ARL5A: variants seen among roughly 807,000 people sequenced by gnomAD.
The protein encoded by ARL5A is ADP-ribosylation factor-like protein 5A.
A neutral mutation model predicts 25.9 loss-of-function variants in ARL5A; 18 were observed. The observed-to-expected ratio is 0.69, with a 90% CI of 0.48 to 1.03. ARL5A has a LOEUF of 1.03. ARL5A is among the 50% of genes least tolerant of loss of function. The pLI is 0.00. For missense variants in ARL5A, 170 were observed against 211.9 expected, an observed-to-expected ratio of 0.80 and a Z score of 1.23; for synonymous variants, 61 against 67.5, an observed-to-expected ratio of 0.90 and a Z score of 0.47.
intron 1 of ARL5A, among the ~76,000 whole-genome samples, chr2:151,821,282 G>A (rs1195747926): frequency 6.6e-6 from 1 of 152,124 alleles, no homozygotes; most frequent in African/African-American, 2.4e-5. Context: ...GACCTAAGCA[G>A]ATTTCTAAAG....
intron 5 of ARL5A, among the ~76,000 whole-genome samples, chr2:151,803,852 A>G (rs2099829748): frequency 6.6e-6 from 1 of 152,188 alleles, no homozygotes; most frequent in Non-Finnish European, 1.5e-5. Context: ...CCTTTTTTCT[A>G]CTTCTAGAAA....
intron 1 of ARL5A, chr2:151,827,379 T>C (rs534576844): frequency 6.6e-6 from 1 of 152,372 alleles, no homozygotes; most frequent in South Asian, 2.1e-4. Flanking sequence ...GCTAGTTACC[T>C]ATGGTTAACA....
At chr2:151,827,010 G>C (rs1292273760) in intron 1 of ARL5A, among the ~76,000 whole-genome samples, 1 of 152,128 alleles carries the variant, frequency 6.6e-6, no homozygotes, top group Non-Finnish European at 1.5e-5. Flanking sequence ...CTTCTTAAAA[G>C]AGCAGCTAGA....
chr2:151,825,227 T>G (rs570056839), intron 1 of ARL5A, among the ~76,000 whole-genome samples: 1 of 152,308 alleles, frequency 6.6e-6, no homozygotes, highest in Non-Finnish European at 1.5e-5. Flanking sequence ...AAAAAAAAGT[T>G]ACTAATGGCA....
chr2:151,814,079 T>C, intron 3 of ARL5A, 90 bp downstream of exon 3: 1 of 1,201,292 alleles, frequency 8.3e-7, no homozygotes, highest in South Asian at 1.7e-5. Context: ...CATACTGTGA[T>C]ATTTCAAAAA....
chr2:151,827,278 T>C (rs774676335), intron 1 of ARL5A, among the ~76,000 whole-genome samples: 8 of 152,246 alleles, frequency 5.3e-5, no homozygotes, highest in Non-Finnish European at 1.0e-4. Flanking sequence ...TTGTAACAAA[T>C]TTTAACAAGC....
At position 151,828,209 on chromosome 2, in the gene ARL5A, C is replaced by A; in HGVS notation, c.-33G>T. The stretch of plus-strand genomic sequence containing the variant: ...CAGCGGACCCCCCCCCTCCAGACAC[C>A]CGGGCCGCCTGGCTTCCCCCGGCTC... On this transcript the variant is annotated 5_prime_UTR_variant, in exon 1 of 6. Coordinates refer to ENST00000295087, the MANE Select transcript of ARL5A (RefSeq NM_012097.4). 1.1e-5 allele frequency: 17 copies of A among 1,603,584 alleles called. No individual in the cohort carries two copies. Among genetic ancestry groups the A allele is most frequent in the Non-Finnish European group, 1.4e-5 (17 of 1,174,218 alleles).
At chr2:151,816,153 TC>T (rs2099831472) in intron 1 of ARL5A, among the ~76,000 whole-genome samples, 1 of 152,186 alleles carries the variant, frequency 6.6e-6, no homozygotes, top group South Asian at 2.1e-4. Flanking sequence ...GGACAAGTCC[TC>T]CTAGGGTAAG....
In ARL5A at chr2:151,806,157, C is replaced by T. The variant is rs775297225; in HGVS notation, c.491+664G>A. 1.5e-4 allele frequency among the ~76,000 whole-genome samples: 23 copies of T among 152,326 alleles called. 1 individual carries two copies. The highest frequency in any genetic ancestry group is 1.2e-3 in the Admixed American group (19 of 15,298). ...TTGACCTTAGATTTGACAATGCTGA[C>T]CACACCACTTCCTTCTTGAAATACT... On this transcript the variant is annotated intron_variant, in intron 5 of 5. Coordinates refer to ENST00000295087, the MANE Select transcript of ARL5A (RefSeq NM_012097.4).
chr2:151,820,537 G>A (rs1347145849), intron 1 of ARL5A, among the ~76,000 whole-genome samples: 1 of 151,684 alleles, frequency 6.6e-6, no homozygotes. Context: ...GCACACACTT[G>A]TGGTCCCAGC....
In ARL5A at chr2:151,814,303, CTTCA is replaced by C; in HGVS notation, c.117_120del (p.Asn39LysfsTer9). 1 of 1,561,828 alleles carries C rather than the reference CTTCA, an allele frequency of 6.4e-7. No homozygotes were observed. Among genetic ancestry groups the C allele is most frequent in the Non-Finnish European group, 8.6e-7 (1 of 1,159,128 alleles). On this transcript the variant is annotated frameshift_variant, in exon 3 of 6. Transcript: ENST00000295087. LOFTEE classifies it high-confidence loss of function. Reference sequence around the variant, plus strand: ...CCTATTGTAGGAGATGTATGTACAACTTCATTCATAGAACTGGGGAAAAAAGTTT... The same window carrying C: ...CCTATTGTAGGAGATGTATGTACAACTTCATAGAACTGGGGAAAAAAGTTT...
At chr2:151,823,863 G>C (rs140918289) in intron 1 of ARL5A, among the ~76,000 whole-genome samples, 45 of 152,346 alleles carry the variant, frequency 3.0e-4, no homozygotes, top group African/African-American at 1.0e-3. Flanking sequence ...TGACCACTAT[G>C]CAGTACAAGA....
intron 1 of ARL5A, among the ~76,000 whole-genome samples, chr2:151,825,470 CAT>C (rs2099832929): frequency 6.6e-6 from 1 of 152,028 alleles, no homozygotes; most frequent in Admixed American, 6.6e-5. Context: ...ATTGTTAAAA[CAT>C]AAAATAAAAT....
At position 151,801,191 on chromosome 2, in the gene ARL5A, T is replaced by C. The variant is rs1387480553; in HGVS notation, c.*2085A>G. The C allele has an allele frequency of 6.6e-6, 1 of 152,618 alleles. No homozygotes were observed. Among genetic ancestry groups the C allele is most frequent in the African/African-American group, 2.4e-5 (1 of 41,464 alleles). 9.5% of individuals were successfully genotyped at this position (152,618 alleles called of 1,614,324 possible). A position where few individuals can be genotyped will look rare whatever the true frequency, so the allele number is the denominator to read the frequency against. ...TATAAAATTACACATCTTCTCATGA[T>C]GTCATGTCAATAATCCACTACACTA... On this transcript the variant is annotated 3_prime_UTR_variant, in exon 6 of 6. Transcript: ENST00000295087.
intron 5 of ARL5A, 144 bp from the exon 6 acceptor site, chr2:151,803,468 T>C: frequency 1.5e-6 from 1 of 665,620 alleles, no homozygotes; most frequent in Non-Finnish European, 2.7e-6. Context: ...GTGCTTGGGC[T>C]GCTGCAGTGA....
rs1318989865 is a variant in ARL5A, at chr2:151,820,691, T to G, written c.47-5492A>C. 2.1e-5 allele frequency among the ~76,000 whole-genome samples: 2 copies of G among 94,636 alleles called. 1 individual carries two copies. The highest frequency in any genetic ancestry group is 6.8e-4 in the South Asian group (2 of 2,938). 62.1% of individuals were successfully genotyped at this position (94,636 alleles called of 152,430 possible). Reference sequence around the variant, plus strand: ...AAAAAAAAAAAAAAAAAAAACAGAATCCATATGTCTGGCATGGTGGAAAAT... The same window carrying G: ...AAAAAAAAAAAAAAAAAAAACAGAAGCCATATGTCTGGCATGGTGGAAAAT... On this transcript the variant is annotated intron_variant, in intron 1 of 5. Transcript: ENST00000295087.
At chr2:151,824,530 G>C (rs17198087) in intron 1 of ARL5A, among the ~76,000 whole-genome samples, 2,115 of 151,008 alleles carry the variant, frequency 0.014, 24 homozygotes, top group Non-Finnish European at 0.02. Context: ...CAGAAACAGA[G>C]GTGGCTTCCT....
At chr2:151,817,563 T>G (rs2099831684) in intron 1 of ARL5A, among the ~76,000 whole-genome samples, 1 of 152,222 alleles carries the variant, frequency 6.6e-6, no homozygotes, top group South Asian at 2.1e-4. Context: ...AATAGGAAGA[T>G]CAAGTAAATA....
At chr2:151,824,702 T>A (rs2099832796) in intron 1 of ARL5A, among the ~76,000 whole-genome samples, 1 of 125,192 alleles carries the variant, frequency 8.0e-6, no homozygotes, top group Non-Finnish European at 1.7e-5. Context: ...ATCTGAGTCC[T>A]TCTTATACAA....
Sources: allele counts gnomAD v4.1 joint callset (sites outside exome capture counted in the v4.1 genomes callset), GRCh38; gene constraint gnomAD v4.1.1; transcripts MANE v1.5; gene names NCBI Gene and HGNC (gene_info 2026-07-23, HGNC 2026-07-21).